FGF12: variants seen among roughly 807,000 people sequenced by gnomAD.
FGF12 encodes the protein fibroblast growth factor 12B.
FGF12 carries 14 observed loss-of-function variants against 23.6 expected under a neutral mutation model. The observed-to-expected ratio is 0.59, with a 90% confidence interval of 0.39 to 0.93. FGF12 has a LOEUF of 0.93. Ranked by LOEUF, FGF12 falls within the 40% of genes least tolerant of loss-of-function variation. The probability of loss-of-function intolerance (pLI) is 0.00; values close to 1 mark genes in which losing one functional copy is unlikely to be tolerated. For missense variants in FGF12, 175 were observed against 217.8 expected (o/e 0.80, Z 1.24); for synonymous variants, 62 against 77.3 (o/e 0.80, Z 1.04).
At chr3:192,261,739 T>A (rs1407505380) in intron 4 of FGF12, among the ~76,000 whole-genome samples, 1 of 152,184 alleles carries the variant, frequency 6.6e-6, no homozygotes, top group Non-Finnish European at 1.5e-5. Context: ...TTTTAGTTAG[T>A]AAAATGAATT....
At chr3:192,608,625 A>T (rs995964666) in intron 2 of FGF12, among the ~76,000 whole-genome samples, 3 of 152,104 alleles carry the variant, frequency 2.0e-5, no homozygotes, top group Non-Finnish European at 4.4e-5. Context: ...AGCCCAGAAC[A>T]CCCAACAGAT....
chr3:192,404,212 A>G (rs552521167), intron 2 of FGF12, among the ~76,000 whole-genome samples: 14 of 152,286 alleles, frequency 9.2e-5, no homozygotes, highest in African/African-American at 3.4e-4. Flanking sequence ...ATAGAAATAT[A>G]ATAAAAACAC....
Position 192,408,372 on chromosome 3 carries a change from C to A in FGF12, c.14-47834G>T. 1.4e-6 allele frequency: 2 copies of A among 1,419,956 alleles called. No individual in the cohort carries two copies. The highest frequency in any genetic ancestry group is 1.8e-6 in the Non-Finnish European group (2 of 1,091,096). 88.0% of individuals were successfully genotyped at this position (1,419,956 alleles called of 1,614,324 possible). ...TTGAGGAGGCTGCAGTATCGAAAAC[C>A]CGGCGCTCACAAGGTTAGTCAAAGT... On this transcript the variant is annotated intron_variant, in intron 2 of 5. Transcript: ENST00000445105. This position sits in a 1 kb window ranked among gnomAD's most constrained non-coding sequence, Gnocchi z 7.3.
At chr3:192,551,743 A>T (rs1387171147) in intron 2 of FGF12, among the ~76,000 whole-genome samples, 1 of 151,336 alleles carries the variant, frequency 6.6e-6, no homozygotes, top group Non-Finnish European at 1.5e-5. Context: ...AAAACTAAAC[A>T]CTCCTCAAAG....
intron 2 of FGF12, among the ~76,000 whole-genome samples, chr3:192,667,990 C>A (rs898787349): frequency 6.6e-6 from 1 of 151,964 alleles, no homozygotes; most frequent in Non-Finnish European, 1.5e-5. Flanking sequence ...TGTATACATG[C>A]AAATGGTTAG....
In FGF12 at chr3:192,158,962, G is replaced by A. The variant is rs543687328; in HGVS notation, c.427+11496C>T. On this transcript the variant is annotated intron_variant, in intron 5 of 5. Coordinates refer to ENST00000445105, the MANE Select transcript of FGF12 (RefSeq NM_004113.6). ...GCCCTTCTACTCAGTGTTCTTTGGT[G>A]TCCCTCTCTCCTGTGATCCCAATGT... Among the ~76,000 whole-genome samples the A allele has an allele frequency of 2.0e-5, 3 of 151,796 alleles. No individual in the cohort carries two copies. In the South Asian group the frequency reaches 6.3e-4, roughly 32 times the overall value.
intron 4 of FGF12, among the ~76,000 whole-genome samples, chr3:192,264,260 T>C (rs996566136): frequency 6.6e-6 from 1 of 152,158 alleles, no homozygotes; most frequent in Non-Finnish European, 1.5e-5. Context: ...CCTAACATTT[T>C]GTGTTAATTC....
intron 2 of FGF12, among the ~76,000 whole-genome samples, chr3:192,464,285 C>G (rs1407541309): frequency 6.6e-6 from 1 of 152,038 alleles, no homozygotes; most frequent in Non-Finnish European, 1.5e-5. Flanking sequence ...ATCCCTCACC[C>G]CCCTCCCACC....
intron 2 of FGF12, among the ~76,000 whole-genome samples, chr3:192,595,778 T>C (rs531831024): frequency 2.0e-5 from 3 of 152,236 alleles, no homozygotes; most frequent in Admixed American, 6.5e-5. Flanking sequence ...ATGCAAGACA[T>C]AGTAAAGTAA....
chr3:192,658,482 G>C (rs932935647), intron 2 of FGF12, among the ~76,000 whole-genome samples: 1 of 152,182 alleles, frequency 6.6e-6, no homozygotes, highest in Admixed American at 6.5e-5. Flanking sequence ...GCCTCTGCAC[G>C]AAGATCCTCA....
At chr3:192,506,095 G>A (rs952619631) in intron 2 of FGF12, among the ~76,000 whole-genome samples, 2 of 152,214 alleles carry the variant, frequency 1.3e-5, no homozygotes, top group Non-Finnish European at 2.9e-5. Flanking sequence ...GGATAGGAAG[G>A]CACTCAAGTG....
rs183408929 is a variant in FGF12, at chr3:192,466,396, C to T, written c.14-105858G>A. ...AGGAAAGCACTTAAACACACACACACGCACTCAGAGACAAAATTAAACATG... is the reference window on the plus strand; with the variant it reads ...AGGAAAGCACTTAAACACACACACATGCACTCAGAGACAAAATTAAACATG... On this transcript the variant is annotated intron_variant, in intron 2 of 5. Transcript: ENST00000445105. 2.3e-4 allele frequency among the ~76,000 whole-genome samples: 35 copies of T among 152,280 alleles called. 1 individual carries two copies. The highest frequency in any genetic ancestry group is 1.4e-3 in the Admixed American group (22 of 15,296).
chr3:192,180,143 G>A (rs1386700469), intron 4 of FGF12, among the ~76,000 whole-genome samples: 1 of 151,550 alleles, frequency 6.6e-6, no homozygotes, highest in Non-Finnish European at 1.5e-5. Context: ...TCTGGTAGAG[G>A]AATTTGGTGC....
intron 2 of FGF12, among the ~76,000 whole-genome samples, chr3:192,537,398 T>C (rs1725249467): frequency 6.6e-6 from 1 of 152,200 alleles, no homozygotes; most frequent in Non-Finnish European, 1.5e-5. Context: ...ATAGTGGTTG[T>C]ACTAATTTAC....
chr3:192,309,699 G>A (rs1173364287), intron 4 of FGF12, among the ~76,000 whole-genome samples: 1 of 152,138 alleles, frequency 6.6e-6, no homozygotes, highest in East Asian at 1.9e-4. Flanking sequence ...ATGACAGAGA[G>A]ACATGAGCAC....
chr3:192,507,018 A>C (rs553665168), intron 2 of FGF12, among the ~76,000 whole-genome samples: 1 of 151,720 alleles, frequency 6.6e-6, no homozygotes, highest in South Asian at 2.1e-4. Flanking sequence ...CAGCCTCCCA[A>C]GTAGCTGGGA....
chr3:192,688,908 A>G (rs1267850775), intron 2 of FGF12, among the ~76,000 whole-genome samples: 2 of 152,240 alleles, frequency 1.3e-5, no homozygotes, highest in Non-Finnish European at 2.9e-5. Context: ...CTATCTAGCC[A>G]TAAAAAAATA....
intron 2 of FGF12, among the ~76,000 whole-genome samples, chr3:192,721,024 G>A (rs970141343): frequency 1.3e-5 from 2 of 152,142 alleles, no homozygotes; most frequent in East Asian, 3.9e-4. Context: ...GACAAATTCA[G>A]GTGTTGGAGA....
At position 192,392,593 on chromosome 3, in the gene FGF12, A is replaced by T. The variant is rs1317616833; in HGVS notation, c.14-32055T>A. 7.2e-3 allele frequency among the ~76,000 whole-genome samples: 101 copies of T among 13,996 alleles called. 1 individual carries two copies. Among genetic ancestry groups the T allele is most frequent in the African/African-American group, 0.065 (80 of 1,232 alleles). 9.2% of individuals were successfully genotyped at this position (13,996 alleles called of 152,430 possible). On this transcript the variant is annotated intron_variant, in intron 2 of 5. Coordinates refer to ENST00000445105, the MANE Select transcript of FGF12 (RefSeq NM_004113.6). ...CCTGGGCAACAAAAGTGAAACTCCG[A>T]GAGAGAGAGAGAGAGAGAGAGAGAG...
Sources: allele counts gnomAD v4.1 joint callset (sites outside exome capture counted in the v4.1 genomes callset), GRCh38; gene constraint gnomAD v4.1.1; non-coding constraint Gnocchi (gnomAD v3.1); transcripts MANE v1.5; gene names NCBI Gene and HGNC (gene_info 2026-07-23, HGNC 2026-07-21).